Variants in HUNK observed in about 807,000 individuals in gnomAD.
HUNK encodes hormonally up-regulated neu tumor-associated kinase.
A neutral mutation model predicts 61.0 loss-of-function variants in HUNK; 21 were observed. That is an observed-to-expected ratio of 0.34 (90% CI 0.24 to 0.50). The LOEUF is 0.50. HUNK is among the 20% of genes least tolerant of loss of function. The probability of loss-of-function intolerance (pLI) is 0.98; values close to 1 mark genes in which losing one functional copy is unlikely to be tolerated. For synonymous variants in HUNK, 371 were observed against 386.1 expected (o/e 0.96, Z 0.46); for missense variants, 772 against 945.7 (o/e 0.82, Z 2.41).
rs869198749 is a variant in HUNK at position 31,929,245 on chromosome 21, TTG to T, written c.554+4487_554+4488del. 1.4e-3 allele frequency among the ~76,000 whole-genome samples: 209 copies of T among 149,674 alleles called. 1 individual carries two copies. The highest frequency in any genetic ancestry group is 3.5e-3 in the Middle Eastern group (1 of 288). Reference sequence around the variant, plus strand: ...AAACAATAAATATGACAAGTAGGTTTTGTTTTTTTTTTTTAATACAAAGGAAA... The same window carrying T: ...AAACAATAAATATGACAAGTAGGTTTTTTTTTTTTTTTAATACAAAGGAAA... On this transcript the variant is annotated intron_variant, in intron 2 of 10. Transcript: ENST00000270112.
In HUNK at chr21:31,995,681, T is replaced by G. The variant is rs910676583; in HGVS notation, c.1306-87T>G. ...GAGTATTGAAAAGGTGGAGTTTCTC[T>G]AATCAGTTTGGATGACTTTTCAAAG... On this transcript the variant is annotated intron_variant, in intron 9 of 10. Coordinates refer to ENST00000270112, the MANE Select transcript of HUNK (RefSeq NM_014586.2). 8 of 1,048,390 alleles carry G rather than the reference T, an allele frequency of 7.6e-6. No homozygotes were observed. In the African/African-American group the frequency reaches 1.3e-4, roughly 17 times the overall value. 64.9% of individuals were successfully genotyped at this position (1,048,390 alleles called of 1,614,324 possible).
In HUNK at chr21:31,910,708, C is replaced by T. The variant is rs138658861; in HGVS notation, c.262-13760C>T. ...TTTGCCATGTTAGCCAGGCTGGTCTCGAACTCCCAACCTCAGGTGATCTGC... is the reference window on the plus strand; with the variant it reads ...TTTGCCATGTTAGCCAGGCTGGTCTTGAACTCCCAACCTCAGGTGATCTGC... On this transcript the variant is annotated intron_variant, in intron 1 of 10. Transcript: ENST00000270112. Among the ~76,000 whole-genome samples the T allele has an allele frequency of 3.0e-3, 451 of 152,184 alleles. 1 individual carries two copies. Among genetic ancestry groups the T allele is most frequent in the African/African-American group, 9.8e-3 (407 of 41,508 alleles).
chr21:31,946,334 G>GT (rs1339926996), intron 4 of HUNK, among the ~76,000 whole-genome samples, 163 bp downstream of exon 4: 4 of 152,064 alleles, frequency 2.6e-5, no homozygotes, highest in East Asian at 1.9e-4. Context: ...TGTTCCTTCT[G>GT]TTTTTTTCTG....
intron 5 of HUNK, among the ~76,000 whole-genome samples, chr21:31,967,329 C>T (rs929034677): frequency 2.6e-5 from 4 of 151,876 alleles, no homozygotes; most frequent in East Asian, 1.9e-4. Context: ...CCAGCCTGGG[C>T]GACAGTGTGA....
chr21:31,995,702 C>T, intron 9 of HUNK, 66 bp from the exon 10 acceptor site: 1 of 1,323,616 alleles, frequency 7.6e-7, no homozygotes, highest in Non-Finnish European at 1.1e-6. Context: ...GATGACTTTT[C>T]AAAGAGGAAT....
intron 1 of HUNK, among the ~76,000 whole-genome samples, chr21:31,914,940 G>A (rs982466000): frequency 4.6e-5 from 7 of 152,040 alleles, no homozygotes; most frequent in Non-Finnish European, 1.0e-4. Flanking sequence ...CCATGACAAA[G>A]AATCTGAATT....
At position 31,873,905 on chromosome 21, in the gene HUNK, C is replaced by T. The variant is rs1384901208; in HGVS notation, c.231C>T (p.Arg77=). ...KLGEGSFAKV[R]EGLHVLTGEK... is the part of the protein sequence containing the mutation. ...GCGAGGGCTCCTTTGCCAAGGTGCG[C>T]GAGGGGCTGCACGTGCTGACCGGGG... The change falls in exon 1 of 11, where the codon CGC becomes CGT. Residue 77 remains arginine (R), a synonymous_variant. Coordinates refer to ENST00000270112, the MANE Select transcript of HUNK (RefSeq NM_014586.2). The surrounding 1 kb of genome is among the most constrained non-coding windows in gnomAD (Gnocchi z 6.1). 1 of 1,573,106 alleles carries T rather than the reference C, an allele frequency of 6.4e-7. No individual in the cohort carries two copies. Among genetic ancestry groups the T allele is most frequent in the Non-Finnish European group, 8.6e-7 (1 of 1,162,360 alleles).
intron 1 of HUNK, among the ~76,000 whole-genome samples, chr21:31,919,177 G>C: frequency 6.7e-6 from 1 of 149,944 alleles, no homozygotes; most frequent in African/African-American, 2.5e-5. Flanking sequence ...AGCGGTATGA[G>C]GTTGAGGGGC....
chr21:31,996,049 T>A (rs1409740932), intron 10 of HUNK, 101 bp downstream of exon 10: 1 of 861,432 alleles, frequency 1.2e-6, no homozygotes, highest in Non-Finnish European at 1.8e-6. Flanking sequence ...AGAGCAGAGA[T>A]GATTCCTGTG....
intron 8 of HUNK, 115 bp from the exon 9 acceptor site, chr21:31,990,014 A>G (rs375400258): frequency 8.5e-6 from 8 of 939,688 alleles, no homozygotes; most frequent in South Asian, 2.7e-5. Context: ...CTTTCTGTCT[A>G]TGAAAACCGA....
At chr21:31,959,278 A>G (rs762494449) in intron 5 of HUNK, among the ~76,000 whole-genome samples, 2 of 152,126 alleles carry the variant, frequency 1.3e-5, no homozygotes, top group Non-Finnish European at 2.9e-5. Context: ...AAATGATTGC[A>G]GGCTTGATTG....
intron 5 of HUNK, among the ~76,000 whole-genome samples, chr21:31,967,914 A>G (rs1261812754): frequency 6.6e-6 from 1 of 152,172 alleles, no homozygotes; most frequent in Non-Finnish European, 1.5e-5. Context: ...GGAAACACGG[A>G]ATGGGGAGAC....
At chr21:31,921,406 A>AG (rs1349439661) in intron 1 of HUNK, among the ~76,000 whole-genome samples, 1 of 133,052 alleles carries the variant, frequency 7.5e-6, no homozygotes, top group African/African-American at 2.9e-5. Flanking sequence ...TCTCTCTGGT[A>AG]GGGAGGTTAG....
chr21:31,972,834 A>C (rs948444142), intron 6 of HUNK, among the ~76,000 whole-genome samples: 1 of 152,038 alleles, frequency 6.6e-6, no homozygotes, highest in Non-Finnish European at 1.5e-5. Context: ...GACAGCACTT[A>C]GGCAAAAGTA....
intron 1 of HUNK, among the ~76,000 whole-genome samples, chr21:31,881,005 G>A (rs1049042821): frequency 2.0e-5 from 3 of 152,316 alleles, no homozygotes; most frequent in South Asian, 2.1e-4. Context: ...TTATATTTCC[G>A]CATCGGCCAG....
chr21:31,986,306 C>A (rs773568466), intron 8 of HUNK, among the ~76,000 whole-genome samples: 62 of 151,956 alleles, frequency 4.1e-4, no homozygotes, highest in African/African-American at 1.5e-3. Context: ...ACCCCCAGAG[C>A]CAACCCATCA....
At chr21:31,969,203 G>A (rs1240602227) in intron 6 of HUNK, among the ~76,000 whole-genome samples, 1 of 151,982 alleles carries the variant, frequency 6.6e-6, no homozygotes, top group Non-Finnish European at 1.5e-5. Flanking sequence ...GTGTGTTTGC[G>A]TGTGTGTGAT....
intron 2 of HUNK, among the ~76,000 whole-genome samples, chr21:31,925,116 A>G (rs1283697375): frequency 6.6e-6 from 1 of 151,922 alleles, no homozygotes; most frequent in Non-Finnish European, 1.5e-5. Context: ...CCAGGCTGGG[A>G]ATTTTTCTGT....
intron 5 of HUNK, among the ~76,000 whole-genome samples, chr21:31,966,320 C>T (rs933466794): frequency 7.2e-5 from 11 of 152,044 alleles, no homozygotes; most frequent in African/African-American, 2.4e-4. Flanking sequence ...TTTTCTTTAT[C>T]CACTTGTTAA....
Sources: allele counts gnomAD v4.1 joint callset (sites outside exome capture counted in the v4.1 genomes callset), GRCh38; gene constraint gnomAD v4.1.1; non-coding constraint Gnocchi (gnomAD v3.1); transcripts MANE v1.5; gene names NCBI Gene and HGNC (gene_info 2026-07-23, HGNC 2026-07-21).